CADPS: variants seen among roughly 807,000 people sequenced by gnomAD.
The protein encoded by CADPS is calcium dependent secretion activator.
CADPS carries 57 observed loss-of-function variants against 167.3 expected under a neutral mutation model. The observed-to-expected ratio is 0.34, with a 90% CI of 0.28 to 0.42. The LOEUF is 0.42. CADPS is among the 20% of genes least tolerant of loss of function. The probability of loss-of-function intolerance (pLI) is 1.00; values close to 1 mark genes in which losing one functional copy is unlikely to be tolerated. For synonymous variants in CADPS, 676 were observed against 635.3 expected (o/e 1.06, Z -0.96); for missense variants, 1,414 against 1,738.1 (o/e 0.81, Z 3.32).
chr3:62,738,510 G>C lies in CADPS; in HGVS notation c.888+14931C>G, dbSNP rs550424453. ...AGGCCGAGGCAGGTGGATCATCTGA[G>C]GTCAGGAGATCAAGATCAGCCTGGC... is the stretch of plus-strand genomic sequence containing the variant. On this transcript the variant is annotated intron_variant, in intron 3 of 29. Transcript: ENST00000383710. Among the ~76,000 whole-genome samples, 4 of 152,146 alleles carry C rather than the reference G, an allele frequency of 2.6e-5. No homozygotes were observed. The South Asian group carries it at 8.3e-4, about 32-fold the overall frequency.
At chr3:62,712,494 A>G (rs555408162) in intron 3 of CADPS, among the ~76,000 whole-genome samples, 11 of 152,284 alleles carry the variant, frequency 7.2e-5, no homozygotes, top group African/African-American at 2.6e-4. Context: ...TACTTATTCA[A>G]TGTTTATGCC....
rs72874470 is a variant in CADPS, at chr3:62,651,006, G to A, written c.1044C>T (p.Asn348=). The change falls in exon 5 of 30, where the codon AAC becomes AAT. Residue 348 remains asparagine, a synonymous_variant. Coordinates refer to ENST00000383710, the MANE Select transcript of CADPS (RefSeq NM_003716.4). ...MYIEELKSSV[N]LLMANLESMP... is the part of the protein sequence containing the mutation. The stretch of plus-strand genomic sequence containing the variant: ...TGCTCTCCAAGTTGGCCATGAGCAG[G>A]TTGACAGATGACTTCAGCTCCTCAA... The A allele has an allele frequency of 9.5e-4, 1,533 of 1,614,122 alleles. 5 individuals carry two copies. The African/African-American group carries it at 0.017, about 18-fold the overall frequency.
intron 3 of CADPS, among the ~76,000 whole-genome samples, chr3:62,678,253 G>A (rs2076624179): frequency 6.6e-6 from 1 of 152,052 alleles, no homozygotes; most frequent in Non-Finnish European, 1.5e-5. Flanking sequence ...CAGAAAATCT[G>A]GGGGTGGGGT....
intron 8 of CADPS, among the ~76,000 whole-genome samples, chr3:62,573,596 T>A (rs185943642): frequency 3.9e-5 from 6 of 152,198 alleles, no homozygotes; most frequent in African/African-American, 1.4e-4. Flanking sequence ...GTATCTGTAA[T>A]TCCTGACCAC....
chr3:62,699,114 C>T (rs2080921821), intron 3 of CADPS, among the ~76,000 whole-genome samples: 1 of 151,916 alleles, frequency 6.6e-6, no homozygotes, highest in Admixed American at 6.6e-5. Context: ...ATCCCTCACC[C>T]CTCTCCCACC....
At chr3:62,816,304 T>C (rs923255583) in intron 1 of CADPS, among the ~76,000 whole-genome samples, 1 of 152,116 alleles carries the variant, frequency 6.6e-6, no homozygotes, top group African/African-American at 2.4e-5. Flanking sequence ...CCCCAAGGAA[T>C]TGACTACTTG....
chr3:62,820,276 G>A (rs756638896), intron 1 of CADPS, among the ~76,000 whole-genome samples: 2 of 152,120 alleles, frequency 1.3e-5, no homozygotes, highest in Non-Finnish European at 2.9e-5. Flanking sequence ...ATCACAGCAG[G>A]ATAGCTACTG....
intron 3 of CADPS, among the ~76,000 whole-genome samples, chr3:62,712,301 G>A (rs1403847909): frequency 6.6e-6 from 1 of 152,120 alleles, no homozygotes; most frequent in African/African-American, 2.4e-5. Context: ...AAGACTGCCT[G>A]TTTCTATTCC....
chr3:62,550,048 G>A lies in CADPS; in HGVS notation c.1821C>T (p.Asp607=), dbSNP rs528317538. The A allele has an allele frequency of 1.8e-5, 29 of 1,614,042 alleles. No individual in the cohort carries two copies. Among genetic ancestry groups the A allele is most frequent in the East Asian group, 1.3e-4 (6 of 44,864 alleles). The part of the protein sequence containing the change: ...KEGDTVIFAS[D]DEQDRILWVQ... ...CCCACAGGATGCGGTCTTGTTCATC[G>A]TCACTGGCAAATATCACGGTGTCTC... Residue 607 remains aspartate, a synonymous_variant, in exon 11 of 30, where the codon GAC becomes GAT. Transcript: ENST00000383710.
rs538576117 is a variant in CADPS at position 62,455,645 on chromosome 3, C to T, written c.3636+9722G>A. Reference sequence around the variant, plus strand: ...AAGCAGACATGTAAGCTTATTTTTGCGGATTTTAAGTGGGGGCCCCTGCCC... The same window carrying T: ...AAGCAGACATGTAAGCTTATTTTTGTGGATTTTAAGTGGGGGCCCCTGCCC... On this transcript the variant is annotated intron_variant, in intron 26 of 29. Coordinates refer to ENST00000383710, the MANE Select transcript of CADPS (RefSeq NM_003716.4). The surrounding 1 kb of genome is among the most constrained non-coding windows in gnomAD (Gnocchi z 4.4). Among the ~76,000 whole-genome samples, 151 of 152,218 alleles carry T rather than the reference C, an allele frequency of 9.9e-4. No individual in the cohort carries two copies. The highest frequency in any genetic ancestry group is 3.3e-3 in the African/African-American group (138 of 41,542).
chr3:62,697,388 T>G (rs77513288), intron 3 of CADPS, among the ~76,000 whole-genome samples: 12,065 of 152,072 alleles, frequency 0.079, 630 homozygotes, highest in Non-Finnish European at 0.12. Context: ...CTAAGTTACT[T>G]CAGTAACTTA....
At chr3:62,756,036 C>T (rs2083809743) in intron 2 of CADPS, among the ~76,000 whole-genome samples, 1 of 151,208 alleles carries the variant, frequency 6.6e-6, no homozygotes, top group African/African-American at 2.4e-5. Flanking sequence ...CTCTCTGATT[C>T]TCTAATTTCT....
At chr3:62,498,349 C>T (rs1251938983) in intron 18 of CADPS, among the ~76,000 whole-genome samples, 2 of 152,026 alleles carry the variant, frequency 1.3e-5, no homozygotes, top group African/African-American at 4.8e-5. Flanking sequence ...TGTCATTTTT[C>T]CCCTTTGCTG....
chr3:62,522,118 T>TATCTATCTA (rs1236669842), intron 13 of CADPS, among the ~76,000 whole-genome samples: 3 of 151,646 alleles, frequency 2.0e-5, no homozygotes, highest in Non-Finnish European at 4.4e-5. Flanking sequence ...TCTATCTATC[T>TATCTATCTA]ATCTATCTAT....
chr3:62,420,824 T>G lies in CADPS; in HGVS notation c.3777+17280A>C, dbSNP rs1360743265. Among the ~76,000 whole-genome samples the G allele has an allele frequency of 6.6e-6, 1 of 151,778 alleles. No individual in the cohort carries two copies. The highest frequency in any genetic ancestry group is 2.4e-5 in the African/African-American group (1 of 41,294). On this transcript the variant is annotated intron_variant, in intron 28 of 29. Coordinates refer to ENST00000383710, the MANE Select transcript of CADPS (RefSeq NM_003716.4). The surrounding 1 kb of genome is among the most constrained non-coding windows in gnomAD (Gnocchi z 4.1). ...TCCTCTTTCTACTTCTCACTGCATA[T>G]GACTCTATTTTTTTTCTCTTTATGG...
chr3:62,648,605 G>C (rs990506128), intron 5 of CADPS, among the ~76,000 whole-genome samples: 1 of 146,010 alleles, frequency 6.8e-6, no homozygotes, highest in Non-Finnish European at 1.5e-5. Flanking sequence ...AAGATCACTT[G>C]AGTCCAGGAA....
At chr3:62,578,187 CTTTT>C (rs34788967) in intron 8 of CADPS, among the ~76,000 whole-genome samples, 28 of 142,602 alleles carry the variant, frequency 2.0e-4, no homozygotes, top group Non-Finnish European at 3.3e-4. Flanking sequence ...CATGCTAACA[CTTTT>C]TTTTTTTTTT....
intron 3 of CADPS, among the ~76,000 whole-genome samples, chr3:62,698,322 G>T (rs947623360): frequency 6.6e-6 from 1 of 152,096 alleles, no homozygotes; most frequent in Admixed American, 6.6e-5. Context: ...TCCAGGACTT[G>T]CACTTGTCTC....
chr3:62,586,221 T>C (rs559336088), intron 7 of CADPS, among the ~76,000 whole-genome samples: 34 of 152,226 alleles, frequency 2.2e-4, no homozygotes, highest in African/African-American at 8.0e-4. Context: ...TAAGATTTGC[T>C]TCTGTGATGG....
Sources: gnomAD v4.1 joint callset for allele counts (sites outside exome capture counted in the v4.1 genomes callset) on GRCh38, gnomAD v4.1.1 for gene constraint, Gnocchi (gnomAD v3.1) non-coding constraint, MANE v1.5 for transcripts, NCBI Gene and HGNC (gene_info 2026-07-23, HGNC 2026-07-21) for gene names.